Variants in PCDHGA7 observed in about 807,000 individuals in gnomAD.
PCDHGA7 encodes protocadherin gamma subfamily A, 7.
PCDHGA7 carries 44 observed loss-of-function variants against 58.3 expected under a neutral mutation model. That is an observed-to-expected ratio of 0.75 (90% CI 0.59 to 0.97). The LOEUF (loss-of-function observed/expected upper bound fraction) is 0.97. Ranked by LOEUF, PCDHGA7 falls within the 50% of genes least tolerant of loss-of-function variation. PCDHGA7 has a pLI of 0.00. For synonymous variants in PCDHGA7, 516 were observed against 504.2 expected, an observed-to-expected ratio of 1.02 and a Z score of -0.31; for missense variants, 1,266 against 1,188.7, an observed-to-expected ratio of 1.06 and a Z score of -0.96.
intron 1 of PCDHGA7, among the ~76,000 whole-genome samples, chr5:141,438,591 CATATAT>C (rs946798767): frequency 1.2e-3 from 91 of 75,538 alleles, no homozygotes; most frequent in Non-Finnish European, 1.7e-3. Flanking sequence ...TACATACATA[CATATAT>C]ATATATATAT....
intron 1 of PCDHGA7, among the ~76,000 whole-genome samples, chr5:141,433,534 C>T (rs2097618995): frequency 6.6e-6 from 1 of 152,088 alleles, no homozygotes; most frequent in Admixed American, 6.5e-5. Context: ...GTGCCCCGCC[C>T]TTATCAGATA....
chr5:141,428,495 T>C (rs1023405537), intron 1 of PCDHGA7: 3 of 295,346 alleles, frequency 1.0e-5, no homozygotes, highest in African/African-American at 6.5e-5. Flanking sequence ...AATCTGTATG[T>C]TCCCTCGGAT....
chr5:141,423,956 A>T, intron 1 of PCDHGA7: 4 of 1,182,724 alleles, frequency 3.4e-6, no homozygotes, highest in Non-Finnish European at 4.2e-6. Context: ...TTTTAGTATT[A>T]TTTTTCTATT....
chr5:141,450,010 T>A (rs2098664468), intron 1 of PCDHGA7, among the ~76,000 whole-genome samples: 1 of 135,330 alleles, frequency 7.4e-6, no homozygotes, highest in African/African-American at 3.3e-5. Flanking sequence ...ATGTCTCTTT[T>A]TTTTTTTTTT....
Position 141,383,731 on chromosome 5 carries a change from A to T in PCDHGA7, c.832A>T (p.Thr278Ser). Residue 278 changes from threonine to serine, a missense_variant, in exon 1 of 4, where the codon ACA (threonine) becomes TCA (serine). Coordinates refer to ENST00000518325, the MANE Select transcript of PCDHGA7 (RefSeq NM_018920.4). ...GGACGAGGGAGTCAATGGGGAAGTG[A>T]CATATTCTTTTCGGAAAATAACTCC... ...DLDEGVNGEV[T>S]YSFRKITPKL... 1 of 1,614,000 alleles carries T rather than the reference A, an allele frequency of 6.2e-7. No homozygotes were observed.
chr5:141,504,078 C>T (rs1333392062), intron 2 of PCDHGA7, among the ~76,000 whole-genome samples: 1 of 152,078 alleles, frequency 6.6e-6, no homozygotes, highest in Non-Finnish European at 1.5e-5. Flanking sequence ...CCAGATGGTG[C>T]CAAACAGTTA....
chr5:141,408,326 G>A, intron 1 of PCDHGA7: 6 of 1,613,904 alleles, frequency 3.7e-6, no homozygotes, highest in Non-Finnish European at 4.2e-6. Context: ...GGAGGAGCTG[G>A]CCAAGGGCTC....
At chr5:141,446,365 G>T (rs2098499873) in intron 1 of PCDHGA7, among the ~76,000 whole-genome samples, 1 of 152,194 alleles carries the variant, frequency 6.6e-6, no homozygotes, top group Non-Finnish European at 1.5e-5. Flanking sequence ...GATGAGAATG[G>T]AAGACTAAAG....
At chr5:141,393,029 G>A in intron 1 of PCDHGA7, 1 of 1,613,754 alleles carries the variant, frequency 6.2e-7, no homozygotes, top group Non-Finnish European at 8.5e-7. Context: ...GAGGTAGGAC[G>A]CAGCTCTTTG....
chr5:141,459,548 C>G (rs980305784), intron 1 of PCDHGA7, among the ~76,000 whole-genome samples: 2 of 152,036 alleles, frequency 1.3e-5, no homozygotes, highest in African/African-American at 4.8e-5. Flanking sequence ...TTTTATTTCT[C>G]TTGGATAAAT....
At chr5:141,435,055 A>T (rs148331367) in intron 1 of PCDHGA7, among the ~76,000 whole-genome samples, 5 of 152,124 alleles carry the variant, frequency 3.3e-5, no homozygotes, top group Non-Finnish European at 7.4e-5. Flanking sequence ...TTGACCATGC[A>T]GCAGTTTTGT....
chr5:141,470,597 T>A (rs1309687738), intron 1 of PCDHGA7, among the ~76,000 whole-genome samples: 5 of 152,216 alleles, frequency 3.3e-5, no homozygotes, highest in Non-Finnish European at 7.3e-5. Flanking sequence ...AGGCGACCTG[T>A]GCGGGGACAC....
At chr5:141,389,715 G>A (rs1210776013) in intron 1 of PCDHGA7, 4 of 1,612,586 alleles carry the variant, frequency 2.5e-6, no homozygotes, top group Middle Eastern at 1.7e-4. Context: ...GCAGGCTAGC[G>A]AGCCCGGGCT....
chr5:141,423,503 C>T (rs1225012888), intron 1 of PCDHGA7: 2 of 1,613,984 alleles, frequency 1.2e-6, no homozygotes, highest in South Asian at 2.2e-5. Context: ...CACGAGGTCT[C>T]TCTCATTGCG....
At chr5:141,461,794 C>T (rs191966750) in intron 1 of PCDHGA7, among the ~76,000 whole-genome samples, 7 of 152,134 alleles carry the variant, frequency 4.6e-5, no homozygotes, top group African/African-American at 1.7e-4. Flanking sequence ...GCTGGGATTA[C>T]AGGTGCCCAC....
chr5:141,418,693 T>G, intron 1 of PCDHGA7: 1 of 1,614,040 alleles, frequency 6.2e-7, no homozygotes, highest in Admixed American at 1.7e-5. Flanking sequence ...CAGAGATCAC[T>G]TATTCCTTCT....
chr5:141,433,361 A>ATCTATCTATCTC, intron 1 of PCDHGA7: 1 of 297,578 alleles, frequency 3.4e-6, no homozygotes, highest in Non-Finnish European at 6.3e-6. Context: ...CTGTCTGCCT[A>ATCTATCTATCTC]TCTATCTATC....
chr5:141,473,763 G>A (rs1333191998), intron 1 of PCDHGA7, among the ~76,000 whole-genome samples: 1 of 152,204 alleles, frequency 6.6e-6, no homozygotes, highest in African/African-American at 2.4e-5. Context: ...ACTATGCAAA[G>A]GATTTGGTAT....
At chr5:141,472,980 C>CAAAAAAAA (rs60579131) in intron 1 of PCDHGA7, among the ~76,000 whole-genome samples, 7 of 86,098 alleles carry the variant, frequency 8.1e-5, no homozygotes, top group Admixed American at 1.2e-4. Context: ...GAGTGAAACT[C>CAAAAAAAA]AAAAAAAAAA....
Sources: gnomAD v4.1 joint callset for allele counts (sites outside exome capture counted in the v4.1 genomes callset) on GRCh38, gnomAD v4.1.1 for gene constraint, MANE v1.5 for transcripts, NCBI Gene and HGNC (gene_info 2026-07-23, HGNC 2026-07-21) for gene names.